The following EPHA5 variants were observed in gnomAD, a reference collection of about 807,000 sequenced individuals.
The protein encoded by EPHA5 is EPH receptor A5.
In EPHA5, 60 loss-of-function variants were observed where a neutral mutation model predicts 105.0. That is an observed-to-expected ratio of 0.57 (90% CI 0.46 to 0.71). The LOEUF is 0.71. Ranked by LOEUF, EPHA5 falls within the 30% of genes least tolerant of loss-of-function variation. The probability of loss-of-function intolerance (pLI) is 0.00; values close to 1 mark genes in which losing one functional copy is unlikely to be tolerated. For synonymous variants in EPHA5, 513 were observed against 449.1 expected, an observed-to-expected ratio of 1.14 and a Z score of -1.80; for missense variants, 1,218 against 1,274.7, an observed-to-expected ratio of 0.96 and a Z score of 0.68.
intron 8 of EPHA5, among the ~76,000 whole-genome samples, chr4:65,387,985 A>G (rs1323772356): frequency 5.8e-5 from 2 of 34,326 alleles, no homozygotes; most frequent in Non-Finnish European, 9.9e-5. Context: ...ACCCCACAAC[A>G]GTTCCCAGAG....
intron 11 of EPHA5, among the ~76,000 whole-genome samples, chr4:65,353,447 T>C: frequency 6.6e-6 from 1 of 150,626 alleles, no homozygotes; most frequent in Non-Finnish European, 1.5e-5. Context: ...AGTGTTATGG[T>C]TGAGTCAGTG....
In EPHA5 at chr4:65,669,841, C is replaced by T. The variant is rs1016525535; in HGVS notation, c.-99G>A. Reference sequence around the variant, plus strand: ...GGGAGACTCGGGAGTCCTCCTTGTCCCCCCTTGGGGTCCTACGCCTTCTGG... The same window carrying T: ...GGGAGACTCGGGAGTCCTCCTTGTCTCCCCTTGGGGTCCTACGCCTTCTGG... On this transcript the variant is annotated 5_prime_UTR_variant, in exon 1 of 17. Coordinates refer to ENST00000613740, the MANE Select transcript of EPHA5 (RefSeq NM_001281766.3). The T allele has an allele frequency of 8.1e-7, 1 of 1,232,624 alleles. No homozygotes were observed. The allele number at this position is 1,232,624 out of a possible 1,614,324, so 76.4% of individuals were successfully genotyped here.
chr4:65,352,717 C>CT (rs1259943015), intron 12 of EPHA5, among the ~76,000 whole-genome samples: 1 of 151,654 alleles, frequency 6.6e-6, no homozygotes, highest in Non-Finnish European at 1.5e-5. Context: ...TTATTTTTTC[C>CT]TTTTTTCCCT....
intron 5 of EPHA5, among the ~76,000 whole-genome samples, chr4:65,426,827 A>G (rs1441863481): frequency 6.6e-6 from 1 of 152,142 alleles, no homozygotes; most frequent in Non-Finnish European, 1.5e-5. Flanking sequence ...AATGTCTTCA[A>G]AGCAATATAT....
chr4:65,345,150 C>T (rs530817365), intron 14 of EPHA5, among the ~76,000 whole-genome samples: 2 of 152,168 alleles, frequency 1.3e-5, no homozygotes, highest in East Asian at 3.9e-4. Context: ...TTGTCATAGT[C>T]CCGCCCCTAA....
chr4:65,558,839 G>T (rs1305670988), intron 3 of EPHA5, among the ~76,000 whole-genome samples: 1 of 152,024 alleles, frequency 6.6e-6, no homozygotes, highest in Non-Finnish European at 1.5e-5. Flanking sequence ...TATTCAAGAT[G>T]CCAATGCTTG....
intron 8 of EPHA5, among the ~76,000 whole-genome samples, chr4:65,379,383 T>A (rs2148926057): frequency 6.6e-6 from 1 of 151,864 alleles, no homozygotes; most frequent in East Asian, 1.9e-4. Context: ...CAATAAAATT[T>A]GATTTAAAAA....
Position 65,322,023 on chromosome 4 carries a change from A to C in EPHA5, c.*2091T>G, listed in dbSNP as rs1719676166. 4.4e-6 allele frequency: 1 copy of C among 226,094 alleles called. No individual in the cohort carries two copies. Among genetic ancestry groups the C allele is most frequent in the Admixed American group, 5.7e-5 (1 of 17,474 alleles). 14.0% of individuals were successfully genotyped at this position (226,094 alleles called of 1,614,324 possible). On this transcript the variant is annotated 3_prime_UTR_variant, in exon 17 of 17. Transcript: ENST00000613740. ...GTTTCATTAATTTCTGTTTATTGAA[A>C]TGAACAAATGCATCTTTAATAATGG...
At chr4:65,613,607 A>G (rs1449525731) in intron 2 of EPHA5, among the ~76,000 whole-genome samples, 3 of 151,954 alleles carry the variant, frequency 2.0e-5, no homozygotes, top group Non-Finnish European at 1.5e-5. Context: ...AGTTAAATAT[A>G]TTAAGAATTC....
At chr4:65,399,369 C>A (rs1476838510) in intron 8 of EPHA5, among the ~76,000 whole-genome samples, 1 of 152,204 alleles carries the variant, frequency 6.6e-6, no homozygotes, top group Non-Finnish European at 1.5e-5. Flanking sequence ...GCCTGGCTTG[C>A]CCTTTGCAAT....
chr4:65,626,726 AAC>A (rs929289143), intron 2 of EPHA5, among the ~76,000 whole-genome samples: 6 of 151,858 alleles, frequency 4.0e-5, no homozygotes, highest in Admixed American at 1.3e-4. Context: ...ATTTAGAGGA[AAC>A]ACATTTTTTT....
chr4:65,654,378 C>A (rs968265175), intron 1 of EPHA5, among the ~76,000 whole-genome samples: 1 of 151,842 alleles, frequency 6.6e-6, no homozygotes, highest in Non-Finnish European at 1.5e-5. Context: ...TGTTCAAGTT[C>A]CATAGAATAT....
At chr4:65,405,884 T>A (rs1254157972) in intron 7 of EPHA5, among the ~76,000 whole-genome samples, 1 of 151,106 alleles carries the variant, frequency 6.6e-6, no homozygotes, top group Non-Finnish European at 1.5e-5. Context: ...TCTACCACTA[T>A]TTTTTTTCTC....
At chr4:65,623,674 A>T (rs1745896578) in intron 2 of EPHA5, among the ~76,000 whole-genome samples, 1 of 152,148 alleles carries the variant, frequency 6.6e-6, no homozygotes, top group South Asian at 2.1e-4. Context: ...TGAGTCATTA[A>T]AAACGCTGGA....
At chr4:65,458,077 A>C (rs1476900008) in intron 5 of EPHA5, among the ~76,000 whole-genome samples, 3 of 89,068 alleles carry the variant, frequency 3.4e-5, no homozygotes, top group South Asian at 3.8e-4. Context: ...CCATCCCAAA[A>C]AAAAAAAAAA....
intron 3 of EPHA5, among the ~76,000 whole-genome samples, chr4:65,507,087 C>T (rs1285771201): frequency 3.3e-5 from 5 of 152,232 alleles, no homozygotes; most frequent in Admixed American, 2.6e-4. Flanking sequence ...CTGCATATGG[C>T]TAGTCAGTTT....
chr4:65,621,066 A>G (rs1260998100), intron 2 of EPHA5, among the ~76,000 whole-genome samples: 1 of 152,174 alleles, frequency 6.6e-6, no homozygotes, highest in Non-Finnish European at 1.5e-5. Flanking sequence ...ATTAGAAAAA[A>G]TAAATTGAGT....
At chr4:65,487,128 T>C (rs908959547) in intron 5 of EPHA5, among the ~76,000 whole-genome samples, 1 of 152,332 alleles carries the variant, frequency 6.6e-6, no homozygotes, top group Middle Eastern at 3.4e-3. Context: ...TGCAGAACCA[T>C]GAGCCAATTA....
chr4:65,422,707 C>A (rs1231800931), intron 5 of EPHA5, among the ~76,000 whole-genome samples: 5 of 151,996 alleles, frequency 3.3e-5, no homozygotes, highest in African/African-American at 1.2e-4. Context: ...CCTTTGCATA[C>A]TAGTATGATA....
Sources: gnomAD v4.1 joint callset for allele counts (sites outside exome capture counted in the v4.1 genomes callset) on GRCh38, gnomAD v4.1.1 for gene constraint, MANE v1.5 for transcripts, NCBI Gene and HGNC (gene_info 2026-07-23, HGNC 2026-07-21) for gene names.